SLC26A5: variants seen among roughly 807,000 people sequenced by gnomAD.
SLC26A5 encodes the protein prestin.
SLC26A5 carries 51 observed loss-of-function variants against 81.0 expected under a neutral mutation model. The ratio of observed to expected loss-of-function variants is 0.63; its 90% CI spans 0.50 to 0.80. The LOEUF (loss-of-function observed/expected upper bound fraction) is 0.80. Ranked by LOEUF, SLC26A5 falls within the 30% of genes least tolerant of loss-of-function variation. The probability of loss-of-function intolerance (pLI) is 0.00; values close to 1 mark genes in which losing one functional copy is unlikely to be tolerated. For synonymous variants in SLC26A5, 325 were observed against 332.8 expected (o/e 0.98, Z 0.25); for missense variants, 771 against 905.8 (o/e 0.85, Z 1.91).
chr7:103,401,818 T>C (rs1352860739), intron 8 of SLC26A5, among the ~76,000 whole-genome samples: 3 of 152,206 alleles, frequency 2.0e-5, no homozygotes, highest in Non-Finnish European at 4.4e-5. Context: ...GATAATCAAG[T>C]GGTTTTTGTC....
At chr7:103,382,681 A>T (rs975900835) in intron 14 of SLC26A5, among the ~76,000 whole-genome samples, 1 of 152,152 alleles carries the variant, frequency 6.6e-6, no homozygotes, top group East Asian at 1.9e-4. Flanking sequence ...GTAAAGGACC[A>T]TCTGGCTCAA....
chr7:103,413,086 C>G lies in SLC26A5; in HGVS notation c.319G>C (p.Val107Leu), dbSNP rs1394528662. The change falls in exon 5 of 20, where the codon GTG becomes CTG. Residue 107 changes from valine (V) to leucine (L), a missense_variant. Coordinates refer to ENST00000306312, the MANE Select transcript of SLC26A5 (RefSeq NM_198999.3). ...QGLAFAMLAA[V>L]PPIFGLYSSF... ...GAGTACAGGCCAAATATTGGAGGCA[C>G]AGCTGCCAGCATTGCAAAGGCTAAG... 1.2e-6 allele frequency: 2 copies of G among 1,613,830 alleles called. No individual in the cohort carries two copies. Among genetic ancestry groups the G allele is most frequent in the Non-Finnish European group, 1.7e-6 (2 of 1,179,844 alleles).
chr7:103,373,618 T>C (rs1268338112), downstream of SLC26A5, among the ~76,000 whole-genome samples: 2 of 152,166 alleles, frequency 1.3e-5, no homozygotes, highest in Admixed American at 6.5e-5. Context: ...TGTAAGGTCA[T>C]AGAATGAATA....
At chr7:103,352,777 A>T in exon 20 of SLC26A5, 1 of 771,150 alleles carries the variant, frequency 1.3e-6, no homozygotes, top group South Asian at 1.4e-5. Context: ...CAAAGTTCAG[A>T]AGTGTTAAGT....
intron 8 of SLC26A5, among the ~76,000 whole-genome samples, chr7:103,403,764 T>C (rs1298646118): frequency 6.6e-6 from 1 of 151,830 alleles, no homozygotes; most frequent in Non-Finnish European, 1.5e-5. Flanking sequence ...TGAGACTATG[T>C]GTGTCTTTGT....
Position 103,367,297 on chromosome 7 carries a change from G to T in SLC26A5, c.2041+9511C>A. 1 of 834,330 alleles carries T rather than the reference G, an allele frequency of 1.2e-6. No individual in the cohort carries two copies. The highest frequency in any genetic ancestry group is 1.9e-6 in the Non-Finnish European group (1 of 515,888). 51.7% of individuals were successfully genotyped at this position (834,330 alleles called of 1,614,324 possible). ...TCTTACAGGATTTGCTTCAAAGTGG[G>T]ATGTCACTTGTGCCTGAGGACATGA... On this transcript the variant is annotated intron_variant, in intron 19 of 19. Transcript: ENST00000339444. This position sits in a 1 kb window ranked among gnomAD's most constrained non-coding sequence, Gnocchi z 6.1.
chr7:103,354,365 ATTT>A (rs752847513), intron 19 of SLC26A5, among the ~76,000 whole-genome samples: 3 of 134,534 alleles, frequency 2.2e-5, no homozygotes, highest in East Asian at 2.2e-4. Context: ...TTCACACACG[ATTT>A]TTTTTTTTTT....
At chr7:103,417,238 C>A (rs1489063578) in intron 4 of SLC26A5, among the ~76,000 whole-genome samples, 1 of 151,862 alleles carries the variant, frequency 6.6e-6, no homozygotes, top group Admixed American at 6.6e-5. Flanking sequence ...GGCGTGGTGG[C>A]ACGCACCTGT....
Position 103,392,664 on chromosome 7 carries a change from G to A in SLC26A5, c.1119+255C>T, listed in dbSNP as rs564208086. 1.6e-3 allele frequency among the ~76,000 whole-genome samples: 242 copies of A among 152,272 alleles called. 1 individual carries two copies. Among genetic ancestry groups the A allele is most frequent in the African/African-American group, 5.7e-3 (237 of 41,548 alleles). ...GCGACCTCGGCTCACTGCAAGCTCCGCCTCCTGGGTTCATGCCATTCTCCT... is the reference window on the plus strand; with the variant it reads ...GCGACCTCGGCTCACTGCAAGCTCCACCTCCTGGGTTCATGCCATTCTCCT... On this transcript the variant is annotated intron_variant, in intron 10 of 19. Transcript: ENST00000306312.
chr7:103,373,646 A>G (rs926670234), downstream of SLC26A5, among the ~76,000 whole-genome samples: 3 of 152,216 alleles, frequency 2.0e-5, no homozygotes, highest in African/African-American at 7.2e-5. Context: ...GCACAAACCA[A>G]CTGCAAATCT....
chr7:103,412,948 C>T, intron 5 of SLC26A5, 54 bp downstream of exon 5: 2 of 1,295,450 alleles, frequency 1.5e-6, no homozygotes, highest in Non-Finnish European at 2.2e-6. Flanking sequence ...TGGCACATTG[C>T]AAGGTTGGAA....
Position 103,362,777 on chromosome 7 carries a change from G to A in SLC26A5, c.2042-9851C>T, listed in dbSNP as rs1201805596. 1.4e-5 allele frequency: 20 copies of A among 1,444,232 alleles called. No homozygotes were observed. The Admixed American group carries it at 3.5e-4, about 26-fold the overall frequency. 89.5% of individuals were successfully genotyped at this position (1,444,232 alleles called of 1,614,324 possible). A position where few individuals can be genotyped will look rare whatever the true frequency, so the allele number is the denominator to read the frequency against. On this transcript the variant is annotated intron_variant, in intron 19 of 19. Transcript: ENST00000339444. Reference sequence around the variant, plus strand: ...GATGCAGGTAAGAAACTATGGGAGGGAAAAGGAAGGCTATGTCTTTTTTTT... The same window carrying A: ...GATGCAGGTAAGAAACTATGGGAGGAAAAAGGAAGGCTATGTCTTTTTTTT...
chr7:103,414,132 T>TC (rs1274151141), intron 4 of SLC26A5, among the ~76,000 whole-genome samples: 5 of 97,434 alleles, frequency 5.1e-5, no homozygotes, highest in African/African-American at 1.9e-4. Flanking sequence ...CATACTTCCC[T>TC]CCCCCCATCC....
At position 103,390,442 on chromosome 7, in the gene SLC26A5, T is replaced by G; in HGVS notation, c.1298A>C (p.Glu433Ala). 6.2e-7 allele frequency: 1 copy of G among 1,614,082 alleles called. No individual in the cohort carries two copies. The highest frequency in any genetic ancestry group is 8.5e-7 in the Non-Finnish European group (1 of 1,179,988). Residue 433 changes from glutamate to alanine, a missense_variant, in exon 12 of 20, where the codon GAA becomes GCA. Physicochemically the swap from Glu to Ala is moderately radical, Grantham distance 107. Coordinates refer to ENST00000306312, the MANE Select transcript of SLC26A5 (RefSeq NM_198999.3). ...CATTACACACACCTGGGGCAATGAT[T>G]CAAAGAGGAATCCAGTTGCTAATAT... ...LVILATGFLF[E>A]SLPQAVLSAI...
chr7:103,353,976 C>A, intron 19 of SLC26A5: 1 of 1,555,044 alleles, frequency 6.4e-7, no homozygotes, highest in Non-Finnish European at 8.8e-7. Flanking sequence ...CTTTCAGTGT[C>A]TACAAACTAT....
In SLC26A5 at chr7:103,411,717, T is replaced by C. The variant is rs113747913; in HGVS notation, c.404-131A>G. The C allele has an allele frequency of 2.4e-3, 2,381 of 1,007,394 alleles. 32 individuals are homozygous for C. The African/African-American group carries it at 0.034, about 14-fold the overall frequency. 62.4% of individuals were successfully genotyped at this position (1,007,394 alleles called of 1,614,324 possible). Reference sequence around the variant, plus strand: ...AGGAAGGCTACGCTCCCTTCTTTAGTGTCCTGCCCCTGGTGTATGAGCAAC... The same window carrying C: ...AGGAAGGCTACGCTCCCTTCTTTAGCGTCCTGCCCCTGGTGTATGAGCAAC... On this transcript the variant is annotated intron_variant, in intron 5 of 19. Coordinates refer to ENST00000306312, the MANE Select transcript of SLC26A5 (RefSeq NM_198999.3).
At chr7:103,438,600 A>C (rs58909501) in intron 2 of SLC26A5, among the ~76,000 whole-genome samples, 6,131 of 151,916 alleles carry the variant, frequency 0.04, 212 homozygotes, top group East Asian at 0.18. Flanking sequence ...CGATCCACCC[A>C]CCTCAGCCTC....
At chr7:103,403,792 C>T (rs984403939) in intron 8 of SLC26A5, among the ~76,000 whole-genome samples, 2 of 151,694 alleles carry the variant, frequency 1.3e-5, no homozygotes, top group Admixed American at 1.3e-4. Context: ...ATGAGTCTCC[C>T]GAATACAGCA....
intron 2 of SLC26A5, among the ~76,000 whole-genome samples, chr7:103,439,278 A>G (rs1990167): frequency 0.39 from 59,046 of 151,932 alleles, 15,564 homozygotes; most frequent in African/African-American, 0.74. Flanking sequence ...GGAAAGGAAA[A>G]CTGGGGGGAC....
Sources: gnomAD v4.1 joint callset for allele counts (sites outside exome capture counted in the v4.1 genomes callset) on GRCh38, gnomAD v4.1.1 for gene constraint, Gnocchi (gnomAD v3.1) non-coding constraint, MANE v1.5 for transcripts, NCBI Gene and HGNC (gene_info 2026-07-23, HGNC 2026-07-21) for gene names.